SLC8A2: variants seen among roughly 807,000 people sequenced by gnomAD.
SLC8A2 encodes sodium/calcium exchanger 2.
A neutral mutation model predicts 70.2 loss-of-function variants in SLC8A2; 14 were observed. That is an observed-to-expected ratio of 0.20 (90% confidence interval 0.13 to 0.31). The LOEUF (loss-of-function observed/expected upper bound fraction) is 0.31, where lower values mean the gene tolerates loss of function less well. Ranked by LOEUF, SLC8A2 falls within the 10% of genes least tolerant of loss-of-function variation. SLC8A2 has a pLI of 1.00. For missense variants in SLC8A2, 779 were observed against 1,320.1 expected (o/e 0.59, Z 6.35); for synonymous variants, 575 against 594.3 (o/e 0.97, Z 0.47).
At chr19:47,450,972 G>T (rs182614367) in intron 3 of SLC8A2, among the ~76,000 whole-genome samples, 27 of 150,878 alleles carry the variant, frequency 1.8e-4, no homozygotes, top group African/African-American at 6.5e-4. Context: ...AAGGGATAAA[G>T]GGATCAGTAA....
chr19:47,440,604 T>TA (rs397784354), intron 6 of SLC8A2, among the ~76,000 whole-genome samples: 1 of 151,608 alleles, frequency 6.6e-6, no homozygotes, highest in Non-Finnish European at 1.5e-5. Context: ...TTTTTTTTTT[T>TA]ATTTGAGGCA....
chr19:47,447,613 CGCCCACG>C lies in SLC8A2; in HGVS notation c.1763+189_1763+195del. On this transcript the variant is annotated intron_variant, in intron 4 of 9. Transcript: ENST00000236877. This position sits in a 1 kb window ranked among gnomAD's most constrained non-coding sequence, Gnocchi z 5.1. The stretch of plus-strand genomic sequence containing the variant: ...AGGGCCCAGCTGTTCAGTGAAGCCC[CGCCCACG>C]TCGTGGGCATGGGTCACAGGCCCCG... 5.1e-6 allele frequency: 2 copies of C among 395,974 alleles called. No homozygotes were observed. Among genetic ancestry groups the C allele is most frequent in the Non-Finnish European group, 8.8e-6 (2 of 227,600 alleles). 24.5% of individuals were successfully genotyped at this position (395,974 alleles called of 1,614,324 possible).
intron 2 of SLC8A2, among the ~76,000 whole-genome samples, chr19:47,459,545 T>G (rs986819370): frequency 6.6e-6 from 1 of 152,008 alleles, no homozygotes; most frequent in African/African-American, 2.4e-5. Flanking sequence ...TGTGCGCATG[T>G]GTGAGCGTAT....
In SLC8A2 at chr19:47,444,939, C is replaced by T. The variant is rs137966260; in HGVS notation, c.1763+2870G>A. On this transcript the variant is annotated intron_variant, in intron 4 of 9. Coordinates refer to ENST00000236877, the MANE Select transcript of SLC8A2 (RefSeq NM_015063.3). ...CACTGACCCAAACTCCCTTTTCTCT[C>T]TGCAGCATCGTGAGAACCTCTCCTT... Among the ~76,000 whole-genome samples, 23 of 152,330 alleles carry T rather than the reference C, an allele frequency of 1.5e-4. No homozygotes were observed. The East Asian group carries it at 4.4e-3, about 29-fold the overall frequency.
intron 3 of SLC8A2, among the ~76,000 whole-genome samples, chr19:47,455,643 A>G (rs1599855307): frequency 6.6e-6 from 1 of 152,228 alleles, no homozygotes; most frequent in Admixed American, 6.5e-5. Context: ...AAAATCATTG[A>G]AAAGAACATA....
In SLC8A2 at chr19:47,430,538, CT is replaced by C; in HGVS notation, c.2390-74del. On this transcript the variant is annotated intron_variant, in intron 9 of 9. Transcript: ENST00000236877. This position sits in a 1 kb window ranked among gnomAD's most constrained non-coding sequence, Gnocchi z 5.9. ...ACAGGGGCGGGCATCCGCCTGCCCC[CT>C]CCCAGCCTTTCCCGGTCGCCTGCTT... 7.0e-7 allele frequency: 1 copy of C among 1,430,112 alleles called. No homozygotes were observed. The highest frequency in any genetic ancestry group is 9.2e-7 in the Non-Finnish European group (1 of 1,084,810). The allele number at this position is 1,430,112 out of a possible 1,614,324, so 88.6% of individuals were successfully genotyped here. A position where few individuals can be genotyped will look rare whatever the true frequency, so the allele number is the denominator to read the frequency against.
In SLC8A2 at chr19:47,465,001, A is replaced by G. The variant is rs1283766774; in HGVS notation, c.675+728T>C. ...GGAATAAATTATGCAAAGTGGTCAC[A>G]GGGCTTATATTGATGTTGGGTTGGA... On this transcript the variant is annotated intron_variant, in intron 2 of 9. Transcript: ENST00000236877. The surrounding 1 kb of genome is among the most constrained non-coding windows in gnomAD (Gnocchi z 5.5). Among the ~76,000 whole-genome samples the G allele has an allele frequency of 1.3e-5, 2 of 152,244 alleles. No homozygotes were observed. Among genetic ancestry groups the G allele is most frequent in the African/African-American group, 4.8e-5 (2 of 41,462 alleles).
intron 1 of SLC8A2, among the ~76,000 whole-genome samples, chr19:47,471,520 C>T (rs1411088723): frequency 8.8e-6 from 1 of 113,074 alleles, no homozygotes; most frequent in Non-Finnish European, 1.9e-5. Context: ...GTGCCCCAGA[C>T]GGGGTGGGGG....
At chr19:47,456,093 C>T (rs1967299863) in intron 3 of SLC8A2, among the ~76,000 whole-genome samples, 1 of 152,240 alleles carries the variant, frequency 6.6e-6, no homozygotes, top group Admixed American at 6.5e-5. Context: ...GCATACAGTG[C>T]ATGCTCAATA....
At chr19:47,440,396 C>A (rs1288021903) in intron 6 of SLC8A2, among the ~76,000 whole-genome samples, 7 of 152,164 alleles carry the variant, frequency 4.6e-5, no homozygotes, top group African/African-American at 1.7e-4. Context: ...TCTCACAAAC[C>A]CAGATCTGAT....
In SLC8A2 at chr19:47,457,716, CCGT is replaced by C. The variant is rs140826547; in HGVS notation, c.676-125_676-123del. ...TCTCTCCCCAACCCCCAACCCCGCC[CCGT>C]CGTCTCTCCCTATCCCTTTCTGTTT... On this transcript the variant is annotated intron_variant, in intron 2 of 9. Coordinates refer to ENST00000236877, the MANE Select transcript of SLC8A2 (RefSeq NM_015063.3). 4,156 of 540,250 alleles carry C rather than the reference CCGT, an allele frequency of 7.7e-3. 138 individuals are homozygous for C. The highest frequency in any genetic ancestry group is 0.074 in the African/African-American group (3,672 of 49,560). The allele number at this position is 540,250 out of a possible 1,614,324, so 33.5% of individuals were successfully genotyped here. A position where few individuals can be genotyped will look rare whatever the true frequency, so the allele number is the denominator to read the frequency against.
intron 3 of SLC8A2, among the ~76,000 whole-genome samples, chr19:47,453,245 G>A (rs1313230964): frequency 1.3e-5 from 2 of 152,212 alleles, no homozygotes; most frequent in African/African-American, 4.8e-5. Context: ...CCTTCTTCAA[G>A]ACACTTATTT....
intron 6 of SLC8A2, among the ~76,000 whole-genome samples, chr19:47,438,694 TC>T (rs1237826937): frequency 2.0e-5 from 3 of 151,954 alleles, no homozygotes. Context: ...CAACACTGAC[TC>T]CAAACCCCAA....
Position 47,440,359 on chromosome 19 carries a change from C to T in SLC8A2, c.1885+810G>A, listed in dbSNP as rs147136091. Among the ~76,000 whole-genome samples the T allele has an allele frequency of 4.5e-4, 68 of 152,300 alleles. No individual in the cohort carries two copies. The South Asian group carries it at 5.4e-3, about 12-fold the overall frequency. ...AAACCCCACCTCACTCCTAATCAACCCCAAACTGGATTCTCTCTGACCTCA... is the reference window on the plus strand; with the variant it reads ...AAACCCCACCTCACTCCTAATCAACTCCAAACTGGATTCTCTCTGACCTCA... On this transcript the variant is annotated intron_variant, in intron 6 of 9. Transcript: ENST00000236877.
At chr19:47,449,189 A>C (rs147732430) in intron 3 of SLC8A2, among the ~76,000 whole-genome samples, 201 of 152,166 alleles carry the variant, frequency 1.3e-3, no homozygotes, top group African/African-American at 4.6e-3. Context: ...GAGAAACAGG[A>C]GGGTAGGGAG....
intron 3 of SLC8A2, among the ~76,000 whole-genome samples, chr19:47,454,274 C>T (rs73568302): frequency 0.052 from 7,914 of 152,168 alleles, 326 homozygotes; most frequent in African/African-American, 0.11. Flanking sequence ...GGGGACAGTG[C>T]GGACCAGGGG....
At chr19:47,452,429 AGAGAGAGAGAGAGAGAGTGTGT>A (rs1568444503) in intron 3 of SLC8A2, among the ~76,000 whole-genome samples, 46 of 111,304 alleles carry the variant, frequency 4.1e-4, no homozygotes, top group East Asian at 1.3e-3. Flanking sequence ...AGAGAGAGAG[AGAGAGAGAGAGAGAGAGTGTGT>A]GTGTGTGTGT....
chr19:47,436,674 C>T (rs1967032860), intron 8 of SLC8A2, among the ~76,000 whole-genome samples: 1 of 152,206 alleles, frequency 6.6e-6, no homozygotes, highest in Admixed American at 6.5e-5. Context: ...CGGGCCTTTT[C>T]TGGACTCCCT....
chr19:47,430,599 C>G lies in SLC8A2; in HGVS notation c.2390-134G>C. On this transcript the variant is annotated intron_variant, in intron 9 of 9. Transcript: ENST00000236877. The surrounding 1 kb of genome is among the most constrained non-coding windows in gnomAD (Gnocchi z 5.9). ...AGTGTGGGCTCAAGACCCCTGACCC[C>G]CACCCAAGAGGCAAAGTCCATCACC... 1.0e-6 allele frequency: 1 copy of G among 972,922 alleles called. No individual in the cohort carries two copies. Among genetic ancestry groups the G allele is most frequent in the Admixed American group, 2.9e-5 (1 of 34,238 alleles). 60.3% of individuals were successfully genotyped at this position (972,922 alleles called of 1,614,324 possible).
Sources: gnomAD v4.1 joint callset for allele counts (sites outside exome capture counted in the v4.1 genomes callset) on GRCh38, gnomAD v4.1.1 for gene constraint, Gnocchi (gnomAD v3.1) non-coding constraint, MANE v1.5 for transcripts, NCBI Gene and HGNC (gene_info 2026-07-23, HGNC 2026-07-21) for gene names.